ENTPD1: variants seen among roughly 807,000 people sequenced by gnomAD.
The protein encoded by ENTPD1 is ectonucleoside triphosphate diphosphohydrolase 1, also known as ATP diphosphohydrolase.
ENTPD1 carries 33 observed loss-of-function variants against 57.0 expected under a neutral mutation model. The ratio of observed to expected loss-of-function variants is 0.58; its 90% CI spans 0.44 to 0.77. ENTPD1 has a LOEUF of 0.77. ENTPD1 is among the 30% of genes least tolerant of loss of function. ENTPD1 has a pLI of 0.00. For missense variants in ENTPD1, 501 were observed against 603.4 expected (o/e 0.83, Z 1.78); for synonymous variants, 202 against 218.8 (o/e 0.92, Z 0.68).
chr10:95,863,554 C>T (rs553270683), intron 8 of ENTPD1, among the ~76,000 whole-genome samples: 2 of 152,264 alleles, frequency 1.3e-5, no homozygotes, highest in African/African-American at 2.4e-5. Context: ...AAAAGACAAG[C>T]TCCAAGCTGG....
At position 95,817,270 on chromosome 10, in the gene ENTPD1, G is replaced by A. The variant is rs138125241; in HGVS notation, c.17-5967G>A. On this transcript the variant is annotated intron_variant, in intron 1 of 9. Coordinates refer to ENST00000371205, the MANE Select transcript of ENTPD1 (RefSeq NM_001776.6). The stretch of plus-strand genomic sequence containing the variant: ...GATTATGTTTACTCCTCCTGGATGC[G>A]TCTGCCCAGACCTGGTTTTGGCACA... 1.7e-4 allele frequency among the ~76,000 whole-genome samples: 26 copies of A among 152,320 alleles called. No homozygotes were observed. In the East Asian group the frequency reaches 4.0e-3, roughly 24 times the overall value.
the ENTPD1 span, among the ~76,000 whole-genome samples, chr10:95,702,796 T>C: frequency 1.3e-5 from 2 of 152,172 alleles, no homozygotes; most frequent in Non-Finnish European, 2.9e-5. Flanking sequence ...CACCTGACTT[T>C]TCTTGAAACA....
intron 1 of ENTPD1, among the ~76,000 whole-genome samples, chr10:95,798,234 T>C (rs556526098): frequency 1.1e-4 from 16 of 152,248 alleles, no homozygotes; most frequent in African/African-American, 3.4e-4. Flanking sequence ...TTGTTGGTGA[T>C]ATTTGTGTGA....
At chr10:95,810,557 C>T (rs559244824) in intron 1 of ENTPD1, among the ~76,000 whole-genome samples, 48 of 152,286 alleles carry the variant, frequency 3.2e-4, no homozygotes, top group African/African-American at 9.1e-4. Context: ...ACTTCCCAGA[C>T]AGGGTTTAGT....
chr10:95,732,192 A>G (rs1489467352), intron 1 of ENTPD1, among the ~76,000 whole-genome samples: 3 of 152,304 alleles, frequency 2.0e-5, no homozygotes, highest in African/African-American at 7.2e-5. Context: ...TAGGCCAGCA[A>G]TGATTACAGT....
chr10:95,749,663 C>G (rs1475423798), intron 1 of ENTPD1, among the ~76,000 whole-genome samples: 2 of 152,122 alleles, frequency 1.3e-5, no homozygotes, highest in Non-Finnish European at 2.9e-5. Flanking sequence ...GGGAGGACAG[C>G]ATTCCAGGCA....
intron 1 of ENTPD1, among the ~76,000 whole-genome samples, chr10:95,814,898 T>C (rs4075311): frequency 0.4 from 61,378 of 151,936 alleles, 12,836 homozygotes; most frequent in Admixed American, 0.52. Flanking sequence ...TGGCTCTATT[T>C]TCTTACCTGT....
intron 1 of ENTPD1, among the ~76,000 whole-genome samples, chr10:95,815,463 C>T (rs1045129710): frequency 1.3e-4 from 20 of 152,294 alleles, no homozygotes; most frequent in African/African-American, 4.6e-4. Flanking sequence ...TGAGAACAGT[C>T]CAGACAACCC....
rs554403511 is a variant in ENTPD1 at position 95,809,438 on chromosome 10, C to G, written c.17-13799C>G. 3.4e-4 allele frequency among the ~76,000 whole-genome samples: 49 copies of G among 142,118 alleles called. 1 individual carries two copies. The highest frequency in any genetic ancestry group is 3.8e-3 in the Middle Eastern group (1 of 264). The allele number at this position is 142,118 out of a possible 152,430, so 93.2% of individuals were successfully genotyped here. A position where few individuals can be genotyped will look rare whatever the true frequency, so the allele number is the denominator to read the frequency against. ...GCAGAGGCGTCCCCCACCTCCCAGA[C>G]GGGGCGGCCGGGCAGAGGCGCCCCC... On this transcript the variant is annotated intron_variant, in intron 1 of 9. Transcript: ENST00000371205.
chr10:95,821,887 G>A (rs1008993926), intron 1 of ENTPD1, among the ~76,000 whole-genome samples: 1 of 151,896 alleles, frequency 6.6e-6, no homozygotes, highest in Admixed American at 6.6e-5. Flanking sequence ...TTGGGGAGTT[G>A]AGAGAGGAGG....
chr10:95,871,486 T>G lies in ENTPD1; in HGVS notation c.*5103T>G. The stretch of plus-strand genomic sequence containing the variant: ...TTCTTATTTTATACGTTTAGGACAA[T>G]GTATAGCTAATTACCCAACTTTTTA... On this transcript the variant is annotated 3_prime_UTR_variant, in exon 10 of 10. Transcript: ENST00000371205. 2 of 985,350 alleles carry G rather than the reference T, an allele frequency of 2.0e-6. No homozygotes were observed. The highest frequency in any genetic ancestry group is 9.4e-5 in the South Asian group (2 of 21,284). 61.0% of individuals were successfully genotyped at this position (985,350 alleles called of 1,614,324 possible).
At chr10:95,773,221 C>T (rs1168729338) in intron 1 of ENTPD1, among the ~76,000 whole-genome samples, 1 of 152,200 alleles carries the variant, frequency 6.6e-6, no homozygotes, top group Non-Finnish European at 1.5e-5. Flanking sequence ...TTGGCCCCAC[C>T]TCTAACACTG....
intron 1 of ENTPD1, among the ~76,000 whole-genome samples, chr10:95,790,983 G>A (rs2185818): frequency 0.54 from 82,106 of 152,006 alleles, 22,625 homozygotes; most frequent in Admixed American, 0.63. Context: ...CTAACAATAC[G>A]TAGCTTTTAG....
chr10:95,866,142 T>C (rs2098474106), intron 9 of ENTPD1, 35 bp from the exon 10 acceptor site: 2 of 1,597,774 alleles, frequency 1.3e-6, no homozygotes, highest in Non-Finnish European at 1.7e-6. Context: ...TTCTAACTCC[T>C]CCAACCACAA....
intron 7 of ENTPD1, among the ~76,000 whole-genome samples, chr10:95,860,082 A>T (rs2098462772): frequency 6.6e-6 from 1 of 152,242 alleles, no homozygotes; most frequent in Non-Finnish European, 1.5e-5. Context: ...TTCGCTACTC[A>T]GAGATAACTC....
upstream of ENTPD1, among the ~76,000 whole-genome samples, chr10:95,708,305 C>A (rs2097963345): frequency 6.6e-6 from 1 of 152,020 alleles, no homozygotes; most frequent in African/African-American, 2.4e-5. Context: ...CCTCCGACTC[C>A]CTGGTTCAAG....
chr10:95,876,445 C>T lies in ENTPD1; in HGVS notation c.*10062C>T, dbSNP rs1460889701. On this transcript the variant is annotated 3_prime_UTR_variant, in exon 10 of 10. Transcript: ENST00000371205. ...CTCGGTTCTGCAATCTATAGGCATA[C>T]CATAATTGTAATCAATAGCTTAAAA... 8.1e-7 allele frequency: 1 copy of T among 1,231,048 alleles called. No homozygotes were observed. The highest frequency in any genetic ancestry group is 1.6e-5 in the African/African-American group (1 of 64,294). 76.3% of individuals were successfully genotyped at this position (1,231,048 alleles called of 1,614,324 possible).
chr10:95,776,215 T>C (rs1021271389), intron 1 of ENTPD1, among the ~76,000 whole-genome samples: 1 of 152,234 alleles, frequency 6.6e-6, no homozygotes, highest in African/African-American at 2.4e-5. Context: ...CATTAGTTTA[T>C]GCAGTTTCTT....
chr10:95,727,290 C>T (rs2097984703), intron 1 of ENTPD1, among the ~76,000 whole-genome samples: 1 of 152,142 alleles, frequency 6.6e-6, no homozygotes, highest in Admixed American at 6.5e-5. Flanking sequence ...AGACCACCTC[C>T]AAAACATAAG....
Sources: allele counts gnomAD v4.1 joint callset (sites outside exome capture counted in the v4.1 genomes callset), GRCh38; gene constraint gnomAD v4.1.1; transcripts MANE v1.5; gene names NCBI Gene and HGNC (gene_info 2026-07-23, HGNC 2026-07-21).